EYS: variants seen among roughly 807,000 people sequenced by gnomAD.
The protein encoded by EYS is EGF-like photoreceptor maintenance factor.
A neutral mutation model predicts 282.1 loss-of-function variants in EYS; 250 were observed. The ratio of observed to expected loss-of-function variants is 0.89; its 90% CI spans 0.80 to 0.98. The LOEUF (loss-of-function observed/expected upper bound fraction) is 0.98. Among genes scored for constraint, EYS ranks in the 50% least tolerant of loss-of-function variants. EYS has a pLI of 0.00. For synonymous variants in EYS, 1,355 were observed against 1,282.9 expected (o/e 1.06, Z -1.20); for missense variants, 4,016 against 3,709.0 (o/e 1.08, Z -2.15).
chr6:64,551,203 C>CACATATATAT (rs1765069555), intron 26 of EYS, among the ~76,000 whole-genome samples: 2 of 147,746 alleles, frequency 1.4e-5, no homozygotes, highest in African/African-American at 5.0e-5. Flanking sequence ...TATATACACA[C>CACATATATAT]ATATATATAT....
At chr6:65,706,220 A>G (rs1005644686) in intron 1 of EYS, among the ~76,000 whole-genome samples, 26 of 151,832 alleles carry the variant, frequency 1.7e-4, no homozygotes, top group Non-Finnish European at 2.8e-4. Context: ...ACATGAGTAT[A>G]TATATCAATA....
chr6:65,350,647 T>C (rs1167855954), intron 9 of EYS, among the ~76,000 whole-genome samples: 3 of 151,692 alleles, frequency 2.0e-5, no homozygotes, highest in African/African-American at 7.2e-5. Context: ...ATTGTCTTAC[T>C]TCACTTCGCA....
At chr6:64,677,075 CATCT>C (rs1434395744) in intron 22 of EYS, among the ~76,000 whole-genome samples, 1 of 152,254 alleles carries the variant, frequency 6.6e-6, no homozygotes, top group East Asian at 1.9e-4. Context: ...CTCTAACATC[CATCT>C]GTTATTAATA....
At chr6:64,030,963 A>G (rs1769796403) in intron 33 of EYS, among the ~76,000 whole-genome samples, 1 of 152,192 alleles carries the variant, frequency 6.6e-6, no homozygotes, top group South Asian at 2.1e-4. Context: ...TCCCAACAGC[A>G]GTTGGGGTGT....
At chr6:65,056,987 T>C (rs1773436112) in intron 13 of EYS, among the ~76,000 whole-genome samples, 2 of 151,940 alleles carry the variant, frequency 1.3e-5, no homozygotes, top group South Asian at 4.1e-4. Flanking sequence ...TTAAGGTAAA[T>C]AGGTATAACA....
chr6:65,367,451 G>T (rs1211401662), intron 8 of EYS, among the ~76,000 whole-genome samples: 1 of 151,242 alleles, frequency 6.6e-6, no homozygotes, highest in Non-Finnish European at 1.5e-5. Flanking sequence ...TCCTGTTTCA[G>T]CACTAGTAAA....
At chr6:64,299,313 A>G (rs1052603734) in intron 30 of EYS, among the ~76,000 whole-genome samples, 8 of 152,232 alleles carry the variant, frequency 5.3e-5, no homozygotes, top group African/African-American at 1.9e-4. Flanking sequence ...TGTACTGAAT[A>G]AATGCCTGCA....
At chr6:64,313,010 C>A (rs1769784322) in intron 29 of EYS, among the ~76,000 whole-genome samples, 1 of 152,158 alleles carries the variant, frequency 6.6e-6, no homozygotes. Context: ...AGCAAGGGAA[C>A]AAAACTGGAT....
At chr6:65,179,480 G>A (rs1043258434) in intron 12 of EYS, among the ~76,000 whole-genome samples, 2 of 152,018 alleles carry the variant, frequency 1.3e-5, no homozygotes, top group Non-Finnish European at 2.9e-5. Flanking sequence ...TAAATTCCTC[G>A]ACACATACAT....
At chr6:64,393,804 A>G (rs1046155542) in intron 28 of EYS, among the ~76,000 whole-genome samples, 3 of 152,072 alleles carry the variant, frequency 2.0e-5, no homozygotes, top group African/African-American at 7.2e-5. Context: ...GGAGAAGGAA[A>G]TAAATGGTAT....
intron 9 of EYS, among the ~76,000 whole-genome samples, chr6:65,347,664 A>T (rs576608419): frequency 1.5e-4 from 23 of 151,522 alleles, no homozygotes; most frequent in African/African-American, 5.3e-4. Flanking sequence ...AATGTATAGC[A>T]ATCACCTCAG....
At chr6:64,341,252 C>T (rs1771097586) in intron 29 of EYS, among the ~76,000 whole-genome samples, 1 of 151,674 alleles carries the variant, frequency 6.6e-6, no homozygotes, top group Non-Finnish European at 1.5e-5. Flanking sequence ...CACATTGAAT[C>T]ATATGTTCAT....
At chr6:63,976,836 G>A (rs1310195530) in intron 35 of EYS, among the ~76,000 whole-genome samples, 1 of 151,862 alleles carries the variant, frequency 6.6e-6, no homozygotes, top group Non-Finnish European at 1.5e-5. Flanking sequence ...GGGGCCTGAA[G>A]CTCATATAAT....
intron 12 of EYS, among the ~76,000 whole-genome samples, chr6:65,285,551 T>C (rs1768339334): frequency 6.6e-6 from 1 of 152,006 alleles, no homozygotes; most frequent in Non-Finnish European, 1.5e-5. Context: ...AGCCATGCTA[T>C]CTTCTATTCA....
chr6:64,225,250 A>T (rs1354995201), intron 31 of EYS, among the ~76,000 whole-genome samples: 1 of 152,118 alleles, frequency 6.6e-6, no homozygotes, highest in Non-Finnish European at 1.5e-5. Flanking sequence ...TAATCATGTA[A>T]GTCTCCTGAA....
intron 30 of EYS, among the ~76,000 whole-genome samples, chr6:64,270,107 C>T (rs1423762659): frequency 6.6e-6 from 1 of 152,008 alleles, no homozygotes; most frequent in Non-Finnish European, 1.5e-5. Context: ...TAGTATTTAT[C>T]GTAATTCTGG....
rs142148968 is a variant in EYS, at chr6:64,048,821, C to T, written c.6725+17517G>A. 9.2e-3 allele frequency among the ~76,000 whole-genome samples: 1,397 copies of T among 151,994 alleles called. 31 individuals are homozygous for T. The highest frequency in any genetic ancestry group is 0.031 in the African/African-American group (1,285 of 41,450). ...GAACCACAGATTTTTTTCCACCCAC[C>T]GTGACCTGTCATATGTAGCTCCACT... On this transcript the variant is annotated intron_variant, in intron 33 of 42. Coordinates refer to ENST00000503581, the MANE Select transcript of EYS (RefSeq NM_001142800.2).
At chr6:64,545,786 A>T (rs1764840467) in intron 26 of EYS, among the ~76,000 whole-genome samples, 1 of 152,192 alleles carries the variant, frequency 6.6e-6, no homozygotes, top group Middle Eastern at 3.2e-3. Flanking sequence ...TTCAAAGAGA[A>T]TAAAATACCT....
chr6:64,117,264 C>A (rs1293036938), intron 31 of EYS, among the ~76,000 whole-genome samples: 1 of 150,758 alleles, frequency 6.6e-6, no homozygotes, highest in Non-Finnish European at 1.5e-5. Context: ...AGAAAATTCA[C>A]AAATATGTGG....
Sources: gnomAD v4.1 joint callset for allele counts (sites outside exome capture counted in the v4.1 genomes callset) on GRCh38, gnomAD v4.1.1 for gene constraint, MANE v1.5 for transcripts, NCBI Gene and HGNC (gene_info 2026-07-23, HGNC 2026-07-21) for gene names.